Variants in SH3KBP1 observed in about 807,000 individuals in gnomAD.
SH3KBP1 encodes SH3 domain-containing kinase-binding protein 1.
SH3KBP1 carries 8 observed loss-of-function variants against 50.1 expected under a neutral mutation model. That is an observed-to-expected ratio of 0.16 (90% CI 0.09 to 0.29). SH3KBP1 has a LOEUF of 0.29. Ranked by LOEUF, SH3KBP1 falls within the 10% of genes least tolerant of loss-of-function variation. The pLI is 1.00. For synonymous variants in SH3KBP1, 227 were observed against 218.6 expected (o/e 1.04, Z -0.34); for missense variants, 377 against 535.2 (o/e 0.70, Z 2.92).
At chrX:19,793,139 A>T (rs2066590833) in intron 2 of SH3KBP1, among the ~76,000 whole-genome samples, 2 of 108,430 alleles carry the variant, frequency 1.8e-5, no homozygotes. Context: ...TCTTAAAAAA[A>T]TTTTAAAATT....
chrX:19,763,422 A>G (rs1486883415), intron 2 of SH3KBP1, among the ~76,000 whole-genome samples: 1 of 112,449 alleles, frequency 8.9e-6, no homozygotes, highest in Non-Finnish European at 1.9e-5. Flanking sequence ...CCATATGCTT[A>G]CCGTTATCCA....
At chrX:19,866,458 C>T (rs1433167237) in intron 1 of SH3KBP1, among the ~76,000 whole-genome samples, 2 of 110,867 alleles carry the variant, frequency 1.8e-5, no homozygotes, top group East Asian at 2.8e-4. Context: ...AATTGCAGCA[C>T]TTTGGGAGGC....
At chrX:19,702,001 T>C (rs1253114576) in intron 4 of SH3KBP1, among the ~76,000 whole-genome samples, 3 of 112,472 alleles carry the variant, frequency 2.7e-5, no homozygotes, top group African/African-American at 9.7e-5. Context: ...TTAATATGAA[T>C]GTTTTACCAT....
chrX:19,661,869 GACCT>G (rs1205400615), intron 6 of SH3KBP1, among the ~76,000 whole-genome samples: 1 of 110,801 alleles, frequency 9.0e-6, no homozygotes, highest in Non-Finnish European at 1.9e-5. Context: ...TCAGGTGATC[GACCT>G]GCCTTGGCCT....
intron 1 of SH3KBP1, among the ~76,000 whole-genome samples, chrX:19,877,896 G>A (rs971535594): frequency 8.9e-6 from 1 of 112,338 alleles, no homozygotes; most frequent in Non-Finnish European, 1.9e-5. Flanking sequence ...GCCTCCAGCA[G>A]TGCCCCCACC....
chrX:19,565,475 T>C (rs750324318), intron 13 of SH3KBP1, among the ~76,000 whole-genome samples: 1 of 111,829 alleles, frequency 8.9e-6, no homozygotes, highest in South Asian at 3.7e-4. Context: ...CATAGGGCTA[T>C]GGACGGTGAG....
At chrX:19,791,927 G>A (rs2066544742) in intron 2 of SH3KBP1, among the ~76,000 whole-genome samples, 1 of 111,577 alleles carries the variant, frequency 9.0e-6, no homozygotes, top group African/African-American at 3.3e-5. Flanking sequence ...ATTTTGAGGG[G>A]TAAAGGTATG....
intron 1 of SH3KBP1, among the ~76,000 whole-genome samples, chrX:19,874,633 A>T (rs1240107583): frequency 1.0e-5 from 1 of 100,219 alleles, no homozygotes; most frequent in African/African-American, 3.7e-5. Context: ...AGAAAATAAG[A>T]GGAACGGGCT....
rs976475061 is a variant in SH3KBP1, at chrX:19,872,644, C to T, written c.4+14663G>A. On this transcript the variant is annotated intron_variant, in intron 1 of 17. Transcript: ENST00000397821. ...ACAAAAAATTAGCTGGACATGGTGG[C>T]GGGCGCCTGTAGTCCCAGCTACTCG... Among the ~76,000 whole-genome samples the T allele has an allele frequency of 3.7e-4, 41 of 109,648 alleles. 1 individual carries two copies. Among genetic ancestry groups the T allele is most frequent in the Non-Finnish European group, 4.2e-4 (22 of 52,543 alleles).
intron 2 of SH3KBP1, among the ~76,000 whole-genome samples, chrX:19,785,930 G>C (rs2066332500): frequency 9.0e-6 from 1 of 111,069 alleles, no homozygotes; most frequent in Non-Finnish European, 1.9e-5. Flanking sequence ...GGGGGGAAGG[G>C]GAAATGGGGA....
At chrX:19,620,308 T>C (rs1016709120) in intron 8 of SH3KBP1, among the ~76,000 whole-genome samples, 2 of 112,167 alleles carry the variant, frequency 1.8e-5, no homozygotes, top group African/African-American at 6.5e-5. Context: ...GTGAAGGGCA[T>C]AGACATGATC....
At chrX:19,758,327 CAAAAAAAAAA>C (rs60332447) in intron 2 of SH3KBP1, among the ~76,000 whole-genome samples, 3,468 of 37,630 alleles carry the variant, frequency 0.092, 225 homozygotes, top group African/African-American at 0.19. Flanking sequence ...GACTTCGTTT[CAAAAAAAAAA>C]AAAAAAAAAA....
chrX:19,750,303 G>A (rs1240175011), intron 2 of SH3KBP1, among the ~76,000 whole-genome samples: 4 of 111,420 alleles, frequency 3.6e-5, no homozygotes, highest in African/African-American at 1.3e-4. Flanking sequence ...CAAGTAATCC[G>A]CCCACCTTGG....
intron 2 of SH3KBP1, among the ~76,000 whole-genome samples, chrX:19,754,596 T>C (rs7877528): frequency 0.012 from 1,320 of 111,628 alleles, 26 homozygotes; most frequent in African/African-American, 0.039. Context: ...GTCTGCCTAG[T>C]AGCTGGGATT....
At chrX:19,595,832 A>G (rs1334208396) in intron 9 of SH3KBP1, among the ~76,000 whole-genome samples, 1 of 111,748 alleles carries the variant, frequency 8.9e-6, no homozygotes, top group Non-Finnish European at 1.9e-5. Context: ...GTTAGGGGGA[A>G]GCAGTGATCT....
chrX:19,742,655 T>G lies in SH3KBP1; in HGVS notation c.286+3663A>C, dbSNP rs967822281. Among the ~76,000 whole-genome samples, 3 of 111,624 alleles carry G rather than the reference T, an allele frequency of 2.7e-5. No individual in the cohort carries two copies. The Admixed American group carries it at 2.9e-4, about 11-fold the overall frequency. On this transcript the variant is annotated intron_variant, in intron 3 of 17. Coordinates refer to ENST00000397821, the MANE Select transcript of SH3KBP1 (RefSeq NM_031892.3). ...CAATCTCGGCATTTGAATGCTTTTTTAAAAAAGTCTCTATATATCAATGCT... is the reference window on the plus strand; with the variant it reads ...CAATCTCGGCATTTGAATGCTTTTTGAAAAAAGTCTCTATATATCAATGCT...
intron 6 of SH3KBP1, among the ~76,000 whole-genome samples, chrX:19,665,294 A>G (rs1256220805): frequency 6.2e-5 from 7 of 112,068 alleles, no homozygotes; most frequent in Non-Finnish European, 1.3e-4. Flanking sequence ...ACAGAAATAC[A>G]ACTTCTGAGT....
At position 19,536,293 on chromosome X, in the gene SH3KBP1, T is replaced by C. The variant is rs751481719; in HGVS notation, c.*124A>G. ...TGTGCTATCAAGACTTTTGTGCTAATCTTTCAAACAGGGACATTTTGAGGC... is the reference window on the plus strand; with the variant it reads ...TGTGCTATCAAGACTTTTGTGCTAACCTTTCAAACAGGGACATTTTGAGGC... On this transcript the variant is annotated 3_prime_UTR_variant, in exon 18 of 18. Transcript: ENST00000397821. 45 of 452,012 alleles carry C rather than the reference T, an allele frequency of 1.0e-4. No individual in the cohort carries two copies. The highest frequency in any genetic ancestry group is 1.6e-4 in the Admixed American group (4 of 24,743). The allele number at this position is 452,012 out of a possible 1,213,427, so 37.3% of individuals were successfully genotyped here. A position where few individuals can be genotyped will look rare whatever the true frequency, so the allele number is the denominator to read the frequency against.
At chrX:19,879,861 G>T (rs2069379921) in intron 1 of SH3KBP1, among the ~76,000 whole-genome samples, 1 of 113,133 alleles carries the variant, frequency 8.8e-6, no homozygotes, top group Non-Finnish European at 1.9e-5. Context: ...AAGCCCCCGG[G>T]GTTCCCCCAG....
Sources: gnomAD v4.1 joint callset for allele counts (sites outside exome capture counted in the v4.1 genomes callset) on GRCh38, gnomAD v4.1.1 for gene constraint, MANE v1.5 for transcripts, NCBI Gene and HGNC (gene_info 2026-07-23, HGNC 2026-07-21) for gene names.